Variants in CLN3 observed in about 807,000 individuals in gnomAD.
CLN3 encodes battenin.
A neutral mutation model predicts 60.7 loss-of-function variants in CLN3; 49 were observed. The observed-to-expected ratio is 0.81, with a 90% CI of 0.64 to 1.02. CLN3 has a LOEUF of 1.02. Ranked by LOEUF, CLN3 falls within the 50% of genes least tolerant of loss-of-function variation. The pLI, the probability that CLN3 is intolerant of heterozygous loss-of-function variation, is 0.00. For missense variants in CLN3, 516 were observed against 557.4 expected (o/e 0.93, Z 0.75); for synonymous variants, 256 against 245.8 (o/e 1.04, Z -0.39).
chr16:28,473,215 C>T (rs1012263526), downstream of CLN3, among the ~76,000 whole-genome samples: 2 of 152,170 alleles, frequency 1.3e-5, no homozygotes, highest in Non-Finnish European at 2.9e-5. Flanking sequence ...AGCAATTCTC[C>T]CGCCTCAGCC....
At chr16:28,470,739 G>C (rs1323525540), downstream of CLN3, among the ~76,000 whole-genome samples, 2 of 150,968 alleles carry the variant, frequency 1.3e-5, no homozygotes, top group Admixed American at 6.6e-5. Context: ...AAAGGGGTCT[G>C]GGAAAGGATC....
chr16:28,484,723 G>A lies in CLN3; in HGVS notation c.678-605C>T, dbSNP rs140194599. 4.4e-5 allele frequency: 7 copies of A among 157,598 alleles called. No individual in the cohort carries two copies. The East Asian group carries it at 9.3e-4, about 21-fold the overall frequency. 9.8% of individuals were successfully genotyped at this position (157,598 alleles called of 1,614,324 possible). On this transcript the variant is annotated intron_variant, in intron 9 of 15. Transcript: ENST00000636147. ...TCTGGCCATTATTATTCTAATGGTC[G>A]CTCTAGCTCCCATTAATTATACGTT...
intron 2 of CLN3, 21 bp from the exon 3 acceptor site, chr16:28,491,581 C>G (rs1289165587): frequency 3.7e-6 from 6 of 1,613,840 alleles, no homozygotes; most frequent in Non-Finnish European, 5.1e-6. Flanking sequence ...GAGAAGAGGG[C>G]ATGACCCCCA....
At chr16:28,484,512 C>G (rs1399073687) in intron 9 of CLN3, 5 of 238,846 alleles carry the variant, frequency 2.1e-5, no homozygotes, top group Non-Finnish European at 3.4e-5. Context: ...CCAAGCCCGC[C>G]TCATATTTTC....
rs546220161 is a variant in CLN3, at chr16:28,477,972, T to C, written c.1057-95A>G. The C allele has an allele frequency of 5.8e-5, 83 of 1,440,112 alleles. No homozygotes were observed. In the African/African-American group the frequency reaches 1.1e-3, roughly 19 times the overall value. The allele number at this position is 1,440,112 out of a possible 1,614,324, so 89.2% of individuals were successfully genotyped here. On this transcript the variant is annotated intron_variant, in intron 14 of 15. Transcript: ENST00000636147. ...AGGGGTCCCTGGTTTTAGGAGTTAC[T>C]GGTGAAGGAGAGGGCTGCCAGGTCT...
rs991090652 is a variant in CLN3 at position 28,491,637 on chromosome 16, C to G, written c.46+77G>C. On this transcript the variant is annotated intron_variant, in intron 2 of 15. Coordinates refer to ENST00000636147, the MANE Select transcript of CLN3 (RefSeq NM_001042432.2). Reference sequence around the variant, plus strand: ...CGCTCCTTGCGTGTCCTCCCGGGGCCGAGTCAGCTCTCATTCCCCTCAGGT... The same window carrying G: ...CGCTCCTTGCGTGTCCTCCCGGGGCGGAGTCAGCTCTCATTCCCCTCAGGT... 4 of 1,613,510 alleles carry G rather than the reference C, an allele frequency of 2.5e-6. No individual in the cohort carries two copies. In the African/African-American group the frequency reaches 4.0e-5, roughly 16 times the overall value.
At chr16:28,479,985 T>C (rs539675826) in intron 14 of CLN3, among the ~76,000 whole-genome samples, 12 of 152,192 alleles carry the variant, frequency 7.9e-5, no homozygotes, top group Non-Finnish European at 1.3e-4. Context: ...ATCTTTTTTT[T>C]TGAGATAGGG....
chr16:28,475,385 A>T (rs1029880369), downstream of CLN3: 10 of 152,298 alleles, frequency 6.6e-5, no homozygotes, highest in African/African-American at 2.4e-4. Flanking sequence ...TTGAGTGTTG[A>T]CATGATCTCA....
At position 28,486,146 on chromosome 16, in the gene CLN3, C is replaced by T. The variant is rs149693277; in HGVS notation, c.677+201G>A. ...CTGAGTAGTTGGGACTACAGGCACC[C>T]GCCACCACACCTGGCTAATTGTTGT... On this transcript the variant is annotated intron_variant, in intron 9 of 15. Coordinates refer to ENST00000636147, the MANE Select transcript of CLN3 (RefSeq NM_001042432.2). 8.2e-3 allele frequency among the ~76,000 whole-genome samples: 1,242 copies of T among 152,058 alleles called. 15 individuals carry two copies. Among genetic ancestry groups the T allele is most frequent in the African/African-American group, 0.026 (1,066 of 41,516 alleles).
In CLN3 at chr16:28,491,444, C is replaced by T. The variant is rs373077384; in HGVS notation, c.125+38G>A. ...TTTCCTCCGGTCACTTCCCTCTTCTCATGCCATTGTCACTCGCTGAAGTCT... is the reference window on the plus strand; with the variant it reads ...TTTCCTCCGGTCACTTCCCTCTTCTTATGCCATTGTCACTCGCTGAAGTCT... On this transcript the variant is annotated intron_variant, in intron 3 of 15. Coordinates refer to ENST00000636147, the MANE Select transcript of CLN3 (RefSeq NM_001042432.2). 5.6e-6 allele frequency: 9 copies of T among 1,609,736 alleles called. No homozygotes were observed. The African/African-American group carries it at 1.2e-4, about 22-fold the overall frequency.
intron 13 of CLN3, 28 bp from the exon 14 acceptor site, chr16:28,482,226 G>C (rs773192286): frequency 1.9e-6 from 3 of 1,599,866 alleles, no homozygotes; most frequent in Non-Finnish European, 2.6e-6. Flanking sequence ...GGGAGGAGAG[G>C]AGGCTCCTCC....
Position 28,487,709 on chromosome 16 carries a change from G to C in CLN3, c.327C>G (p.Leu109=). 1 of 1,613,874 alleles carries C rather than the reference G, an allele frequency of 6.2e-7. No homozygotes were observed. Among genetic ancestry groups the C allele is most frequent in the Non-Finnish European group, 8.5e-7 (1 of 1,179,910 alleles). The change falls in exon 6 of 16, where the codon CTC becomes CTG. Residue 109 remains leucine (L), a synonymous_variant. Transcript: ENST00000636147. Reference sequence around the variant, plus strand: ...CAAGAGGAGCCAACAATTTGATGACGAGTGTGGGGAGGATGTCCGCCAGGA... The same window carrying C: ...CAAGAGGAGCCAACAATTTGATGACCAGTGTGGGGAGGATGTCCGCCAGGA... ...AVLLADILPT[L]VIKLLAPLGL...
At position 28,477,733 on chromosome 16, in the gene CLN3, T is replaced by C. The variant is rs758001193; in HGVS notation, c.1197+4A>G. ...CCCCCAGCCCTTGCCCGGCCAATGC[T>C]GACCTCCAGGGCGATGTTGTGGAAG... On this transcript the variant is annotated splice_donor_region_variant and intron_variant, in intron 15 of 15. Coordinates refer to ENST00000636147, the MANE Select transcript of CLN3 (RefSeq NM_001042432.2). 2 of 1,614,128 alleles carry C rather than the reference T, an allele frequency of 1.2e-6. No homozygotes were observed. The highest frequency in any genetic ancestry group is 2.2e-5 in the South Asian group (2 of 91,086).
At chr16:28,491,239 T>C (rs781591835) in intron 3 of CLN3, among the ~76,000 whole-genome samples, 1 of 152,150 alleles carries the variant, frequency 6.6e-6, no homozygotes, top group South Asian at 2.1e-4. Context: ...TAAGGCTGAA[T>C]TGGCTGGAAG....
downstream of CLN3, chr16:28,470,626 G>A (rs1400102071): frequency 1.9e-5 from 1 of 52,104 alleles, no homozygotes; most frequent in South Asian, 1.6e-4. Context: ...GGGAAGGGGA[G>A]GGGAGGGGGA....
Position 28,484,013 on chromosome 16 carries a change from C to T in CLN3, c.783G>A (p.Ser261=), listed in dbSNP as rs752632879. Residue 261 remains serine, a synonymous_variant, in exon 10 of 16, where the codon TCG becomes TCA. Transcript: ENST00000636147. ...QPLIRTEAPE[S]KPGSSSSLSL... ...AGGGTCTGTGTCTCCTACCTGGCTT[C>T]GACTCCGGGGCCTCGGTTCTTATGA... 6.8e-6 allele frequency: 11 copies of T among 1,607,096 alleles called. No homozygotes were observed. The highest frequency in any genetic ancestry group is 2.2e-5 in the East Asian group (1 of 44,732).
At position 28,487,701 on chromosome 16, in the gene CLN3, T is replaced by C. The variant is rs771758062; in HGVS notation, c.335A>G (p.Lys112Arg). 12 of 1,613,816 alleles carry C rather than the reference T, an allele frequency of 7.4e-6. 1 individual carries two copies. The highest frequency in any genetic ancestry group is 8.5e-7 in the Non-Finnish European group (1 of 1,179,952). Residue 112 changes from lysine (K) to arginine (R), a missense_variant, in exon 6 of 16, where the codon AAA becomes AGA. Lys to Arg is a conservative substitution (Grantham distance 26). Transcript: ENST00000636147. ...GTGAAGGCCAAGAGGAGCCAACAAT[T>C]TGATGACGAGTGTGGGGAGGATGTC... Reference protein sequence around the residue: ...LADILPTLVIKLLAPLGLHLL... With the variant: ...LADILPTLVIRLLAPLGLHLL...
At position 28,485,826 on chromosome 16, in the gene CLN3, A is replaced by G. The variant is rs376752064; in HGVS notation, c.677+521T>C. ...AGCAAGAACAACTGCCATTTGAGATATGGGGAAACTGAGGGTTCAGAGAGG... is the reference window on the plus strand; with the variant it reads ...AGCAAGAACAACTGCCATTTGAGATGTGGGGAAACTGAGGGTTCAGAGAGG... On this transcript the variant is annotated intron_variant, in intron 9 of 15. Coordinates refer to ENST00000636147, the MANE Select transcript of CLN3 (RefSeq NM_001042432.2). 4.6e-5 allele frequency among the ~76,000 whole-genome samples: 7 copies of G among 151,986 alleles called. No homozygotes were observed. The East Asian group carries it at 5.8e-4, about 13-fold the overall frequency.
chr16:28,488,049 T>C (rs865909533), intron 5 of CLN3: 11 of 313,490 alleles, frequency 3.5e-5, no homozygotes, highest in Middle Eastern at 1.1e-3. Context: ...ACTATATATA[T>C]ATATATTTTG....
Sources: allele counts gnomAD v4.1 joint callset (sites outside exome capture counted in the v4.1 genomes callset), GRCh38; gene constraint gnomAD v4.1.1; transcripts MANE v1.5; gene names NCBI Gene and HGNC (gene_info 2026-07-23, HGNC 2026-07-21).